Variants in CCNY observed in about 807,000 individuals in gnomAD.
The protein encoded by CCNY is cyclin Y.
Under a neutral mutation model 42.8 loss-of-function variants are expected in CCNY, and 19 were observed. That is an observed-to-expected ratio of 0.44 (90% CI 0.31 to 0.65). The LOEUF (loss-of-function observed/expected upper bound fraction) is 0.65. CCNY is among the 30% of genes least tolerant of loss of function. The probability of loss-of-function intolerance (pLI) is 0.07; values close to 1 mark genes in which losing one functional copy is unlikely to be tolerated. For synonymous variants in CCNY, 165 were observed against 162.7 expected, an observed-to-expected ratio of 1.01 and a Z score of -0.11; for missense variants, 370 against 437.3, an observed-to-expected ratio of 0.85 and a Z score of 1.37.
chr10:35,334,414 G>C (rs1387876577), upstream of CCNY, among the ~76,000 whole-genome samples: 1 of 152,110 alleles, frequency 6.6e-6, no homozygotes, highest in Non-Finnish European at 1.5e-5. Flanking sequence ...GACAACAAGG[G>C]AACTTCTCTC....
Position 35,419,751 on chromosome 10 carries a change from C to T in CCNY, c.155-63653C>T, listed in dbSNP as rs115637861. Among the ~76,000 whole-genome samples, 1,098 of 151,826 alleles carry T rather than the reference C, an allele frequency of 7.2e-3. 14 individuals carry two copies. The highest frequency in any genetic ancestry group is 0.023 in the African/African-American group (969 of 41,348). On this transcript the variant is annotated intron_variant, in intron 1 of 9. Coordinates refer to ENST00000374704, the MANE Select transcript of CCNY (RefSeq NM_145012.6). ...TCATGTCTCTCTTTATATACGTTTACGTAAATATATGTGTGCATTTATGTG... is the reference window on the plus strand; with the variant it reads ...TCATGTCTCTCTTTATATACGTTTATGTAAATATATGTGTGCATTTATGTG...
At chr10:35,479,124 G>T (rs1181164262) in intron 1 of CCNY, among the ~76,000 whole-genome samples, 3 of 151,842 alleles carry the variant, frequency 2.0e-5, no homozygotes, top group African/African-American at 7.3e-5. Context: ...TGGAGAGGAT[G>T]TGGAGAAATA....
chr10:35,275,103 A>C (rs2135047368), intron 3 of CCNY, among the ~76,000 whole-genome samples: 1 of 118,564 alleles, frequency 8.4e-6, no homozygotes, highest in East Asian at 2.4e-4. Context: ...TCGCTCTGTC[A>C]CCCAGGCTGG....
chr10:35,451,782 G>T (rs977483766), intron 1 of CCNY, among the ~76,000 whole-genome samples: 2 of 152,150 alleles, frequency 1.3e-5, no homozygotes, highest in Non-Finnish European at 2.9e-5. Context: ...CAACAGTGCA[G>T]CCCAGCAGGT....
chr10:35,416,502 G>C (rs1838029345), intron 1 of CCNY, among the ~76,000 whole-genome samples: 1 of 151,880 alleles, frequency 6.6e-6, no homozygotes, highest in African/African-American at 2.4e-5. Flanking sequence ...TTTGGAAAGG[G>C]GCATAAAATA....
At chr10:35,335,002 T>C (rs1227699061), upstream of CCNY, among the ~76,000 whole-genome samples, 1 of 152,160 alleles carries the variant, frequency 6.6e-6, no homozygotes, top group Non-Finnish European at 1.5e-5. Flanking sequence ...ATTAAGACAG[T>C]TGTACTATTG....
chr10:35,407,621 C>A (rs180852544), intron 1 of CCNY, among the ~76,000 whole-genome samples: 1 of 152,002 alleles, frequency 6.6e-6, no homozygotes, highest in Non-Finnish European at 1.5e-5. Context: ...TGGGGTCAAG[C>A]GGCATTGCAG....
intron 1 of CCNY, among the ~76,000 whole-genome samples, chr10:35,460,747 A>G (rs1839140473): frequency 4.6e-5 from 7 of 152,198 alleles, no homozygotes; most frequent in Admixed American, 2.6e-4. Context: ...CACAGTACCT[A>G]TGGCACGGCA....
At chr10:35,264,533 T>C (rs563248779) in intron 3 of CCNY, among the ~76,000 whole-genome samples, 7 of 152,302 alleles carry the variant, frequency 4.6e-5, no homozygotes, top group Admixed American at 1.3e-4. Context: ...TGGTATCTCA[T>C]TGTAGTTTTG....
At chr10:35,350,688 G>A (rs1836410992) in intron 1 of CCNY, among the ~76,000 whole-genome samples, 1 of 152,204 alleles carries the variant, frequency 6.6e-6, no homozygotes, top group African/African-American at 2.4e-5. Flanking sequence ...TTGGTTTGTT[G>A]CATCTCTGTT....
chr10:35,326,861 C>A (rs1480583982), intron 3 of CCNY, among the ~76,000 whole-genome samples: 2 of 152,132 alleles, frequency 1.3e-5, no homozygotes, highest in Non-Finnish European at 2.9e-5. Context: ...TGTACTCCAA[C>A]CTGGGTGACA....
At chr10:35,435,665 T>C (rs966718278) in intron 1 of CCNY, among the ~76,000 whole-genome samples, 4 of 152,228 alleles carry the variant, frequency 2.6e-5, no homozygotes, top group Non-Finnish European at 5.9e-5. Flanking sequence ...TTACACACTT[T>C]TGTATATTAG....
At chr10:35,426,575 A>G (rs1385301509) in intron 1 of CCNY, among the ~76,000 whole-genome samples, 2 of 152,220 alleles carry the variant, frequency 1.3e-5, no homozygotes, top group Non-Finnish European at 2.9e-5. Flanking sequence ...GTGTTTAGGA[A>G]GGCAGGATTG....
At chr10:35,378,408 T>A (rs1368563455) in intron 1 of CCNY, among the ~76,000 whole-genome samples, 1 of 152,154 alleles carries the variant, frequency 6.6e-6, no homozygotes, top group Non-Finnish European at 1.5e-5. Flanking sequence ...CTTGACTGTT[T>A]TACAATATAA....
At chr10:35,425,443 G>A (rs773860666) in intron 1 of CCNY, among the ~76,000 whole-genome samples, 5 of 152,162 alleles carry the variant, frequency 3.3e-5, no homozygotes, top group African/African-American at 1.2e-4. Flanking sequence ...ATACATGTTT[G>A]CAAAGGTAGG....
At chr10:35,290,222 T>TCTCACACACACACA (rs1554774113) in intron 3 of CCNY, among the ~76,000 whole-genome samples, 1 of 122,910 alleles carries the variant, frequency 8.1e-6, no homozygotes, top group African/African-American at 3.3e-5. Context: ...CAAGACTCCA[T>TCTCACACACACACA]CACACACACA....
intron 4 of CCNY, among the ~76,000 whole-genome samples, chr10:35,525,028 G>T (rs1469254505): frequency 6.6e-6 from 1 of 152,166 alleles, no homozygotes; most frequent in East Asian, 1.9e-4. Context: ...CAAATATTGG[G>T]ATGTTCATTA....
chr10:35,469,352 G>C (rs925762794), intron 1 of CCNY, among the ~76,000 whole-genome samples: 1 of 152,228 alleles, frequency 6.6e-6, no homozygotes, highest in South Asian at 2.1e-4. Context: ...TCTGTCTTTA[G>C]TCTTAACATT....
At chr10:35,251,822 C>T (rs539311991) in intron 3 of CCNY, among the ~76,000 whole-genome samples, 2 of 149,270 alleles carry the variant, frequency 1.3e-5, no homozygotes, top group East Asian at 3.9e-4. Flanking sequence ...CCCCTGGGTG[C>T]AAGTGATCTG....
Sources: allele counts gnomAD v4.1 joint callset (sites outside exome capture counted in the v4.1 genomes callset), GRCh38; gene constraint gnomAD v4.1.1; transcripts MANE v1.5; gene names NCBI Gene and HGNC (gene_info 2026-07-23, HGNC 2026-07-21).